Variants in CRYBG1 observed in about 807,000 individuals in gnomAD.
CRYBG1 encodes the protein crystallin beta-gamma domain containing 1.
A neutral mutation model predicts 189.2 loss-of-function variants in CRYBG1; 139 were observed. The observed-to-expected ratio is 0.73, with a 90% CI of 0.64 to 0.85. The LOEUF is 0.85. Ranked by LOEUF, CRYBG1 falls within the 40% of genes least tolerant of loss-of-function variation. CRYBG1 has a pLI of 0.00. For missense variants in CRYBG1, 2,611 were observed against 2,675.8 expected, an observed-to-expected ratio of 0.98 and a Z score of 0.53; for synonymous variants, 1,023 against 1,017.1, an observed-to-expected ratio of 1.01 and a Z score of -0.11.
chr6:106,362,031 C>T (rs1196921049), intron 1 of CRYBG1, among the ~76,000 whole-genome samples: 1 of 129,442 alleles, frequency 7.7e-6, no homozygotes, highest in Non-Finnish European at 1.6e-5. Flanking sequence ...AGTGCACTGG[C>T]CCAATCCCGG....
At chr6:106,413,672 T>C (rs1257710924) in intron 1 of CRYBG1, among the ~76,000 whole-genome samples, 1 of 149,540 alleles carries the variant, frequency 6.7e-6, no homozygotes, top group Non-Finnish European at 1.5e-5. Context: ...GGTGAGATTT[T>C]GTCTCAAAAA....
chr6:106,523,329 T>C (rs1773653200), intron 4 of CRYBG1, among the ~76,000 whole-genome samples: 1 of 152,170 alleles, frequency 6.6e-6, no homozygotes, highest in East Asian at 1.9e-4. Context: ...ATAATAGAAA[T>C]ATTAACTATT....
intron 2 of CRYBG1, among the ~76,000 whole-genome samples, chr6:106,490,814 C>G (rs1772704603): frequency 6.6e-6 from 1 of 152,166 alleles, no homozygotes; most frequent in Admixed American, 6.5e-5. Context: ...AGAAGGTGTG[C>G]CAAATTCCCA....
Position 106,520,793 on chromosome 6 carries a change from A to G in CRYBG1, c.3585A>G (p.Glu1195=), listed in dbSNP as rs1308218667. The change falls in exon 4 of 22, where the codon GAA becomes GAG. Residue 1195 remains glutamate (E), a synonymous_variant. Coordinates refer to ENST00000633556, the MANE Select transcript of CRYBG1 (RefSeq NM_001371242.2). ...SKLRPKRASA[E]QSVLFKSLHT... Reference sequence around the variant, plus strand: ...TGAGACCCAAACGTGCATCTGCTGAACAGAGCGTCCTCTTCAAGTCCCTGC... The same window carrying G: ...TGAGACCCAAACGTGCATCTGCTGAGCAGAGCGTCCTCTTCAAGTCCCTGC... The G allele has an allele frequency of 4.3e-6, 7 of 1,614,078 alleles. No homozygotes were observed. Among genetic ancestry groups the G allele is most frequent in the Non-Finnish European group, 5.9e-6 (7 of 1,180,044 alleles).
At chr6:106,362,302 G>T (rs934395629) in intron 1 of CRYBG1, among the ~76,000 whole-genome samples, 3 of 151,968 alleles carry the variant, frequency 2.0e-5, no homozygotes, top group African/African-American at 7.3e-5. Flanking sequence ...TCAATTTTAC[G>T]ATCTATTTTC....
chr6:106,497,856 C>T (rs533559635), intron 2 of CRYBG1, among the ~76,000 whole-genome samples: 3 of 152,224 alleles, frequency 2.0e-5, no homozygotes, highest in East Asian at 1.9e-4. Context: ...TTTGGGAGGC[C>T]GAGGTGGGCA....
At chr6:106,479,150 T>C (rs1373048079) in intron 2 of CRYBG1, among the ~76,000 whole-genome samples, 3 of 152,252 alleles carry the variant, frequency 2.0e-5, no homozygotes, top group East Asian at 1.9e-4. Context: ...TTGACTGTTA[T>C]GAATAATTCT....
chr6:106,371,749 G>A (rs1770040844), intron 1 of CRYBG1, among the ~76,000 whole-genome samples: 1 of 152,216 alleles, frequency 6.6e-6, no homozygotes, highest in African/African-American at 2.4e-5. Context: ...AGCAAAGTAG[G>A]ACTGAATGTC....
chr6:106,441,143 C>A (rs567949664), intron 1 of CRYBG1, among the ~76,000 whole-genome samples: 136 of 152,118 alleles, frequency 8.9e-4, no homozygotes, highest in African/African-American at 3.1e-3. Flanking sequence ...AAAACCCAAG[C>A]AAAGACATAT....
intron 1 of CRYBG1, among the ~76,000 whole-genome samples, chr6:106,415,533 G>A (rs920051809): frequency 6.6e-6 from 1 of 151,494 alleles, no homozygotes; most frequent in African/African-American, 2.4e-5. Flanking sequence ...AGACAAGCCT[G>A]GGTAACGTGG....
chr6:106,510,179 A>T (rs1200887680), intron 2 of CRYBG1, among the ~76,000 whole-genome samples: 1 of 152,160 alleles, frequency 6.6e-6, no homozygotes, highest in African/African-American at 2.4e-5. Flanking sequence ...ATTCTTAAGA[A>T]ATACAGTAGC....
At chr6:106,425,864 C>T (rs9386539) in intron 1 of CRYBG1, among the ~76,000 whole-genome samples, 17,363 of 152,044 alleles carry the variant, frequency 0.11, 1,042 homozygotes, top group East Asian at 0.15. Context: ...TCTTGAACTC[C>T]GGACCTCAGG....
intron 19 of CRYBG1, 37 bp downstream of exon 19, chr6:106,560,963 C>T: frequency 1.3e-6 from 2 of 1,523,024 alleles, no homozygotes; most frequent in Non-Finnish European, 1.8e-6. Context: ...ATAGACTCTT[C>T]TCTGAAATTT....
chr6:106,554,205 G>A (rs1050065893), intron 16 of CRYBG1, among the ~76,000 whole-genome samples: 1 of 152,204 alleles, frequency 6.6e-6, no homozygotes, highest in East Asian at 1.9e-4. Context: ...GAGGATTTAA[G>A]TCTCTTAATA....
chr6:106,423,430 A>G (rs1409888966), intron 1 of CRYBG1, among the ~76,000 whole-genome samples: 2 of 152,000 alleles, frequency 1.3e-5, no homozygotes, highest in East Asian at 3.8e-4. Flanking sequence ...TGTAAATTAA[A>G]AAGTTTGATC....
At chr6:106,478,395 A>T (rs551188931) in intron 2 of CRYBG1, among the ~76,000 whole-genome samples, 1 of 152,338 alleles carries the variant, frequency 6.6e-6, no homozygotes, top group South Asian at 2.1e-4. Flanking sequence ...TGATGCATAT[A>T]CTGAATTATA....
intron 2 of CRYBG1, among the ~76,000 whole-genome samples, chr6:106,474,665 A>T (rs1216322421): frequency 6.6e-6 from 1 of 152,050 alleles, no homozygotes; most frequent in African/African-American, 2.4e-5. Context: ...TAGGCAAGAG[A>T]GGTGACCAAG....
chr6:106,395,798 T>C (rs1429505695), intron 1 of CRYBG1, among the ~76,000 whole-genome samples: 1 of 150,376 alleles, frequency 6.6e-6, no homozygotes, highest in Non-Finnish European at 1.5e-5. Flanking sequence ...AGACCCCATA[T>C]ACATATATAT....
At chr6:106,525,069 G>A (rs1312460809) in intron 4 of CRYBG1, 64 bp from the exon 5 acceptor site, 10 of 1,547,020 alleles carry the variant, frequency 6.5e-6, no homozygotes, top group Non-Finnish European at 8.9e-6. Context: ...GATCGTGGGT[G>A]GAAAAAGAGG....
Sources: gnomAD v4.1 joint callset for allele counts (sites outside exome capture counted in the v4.1 genomes callset) on GRCh38, gnomAD v4.1.1 for gene constraint, MANE v1.5 for transcripts, NCBI Gene and HGNC (gene_info 2026-07-23, HGNC 2026-07-21) for gene names.